The following CACNA2D1 variants were observed in gnomAD, a reference collection of about 807,000 sequenced individuals.
CACNA2D1 encodes the protein calcium voltage-gated channel auxiliary subunit alpha2delta 1.
CACNA2D1 carries 53 observed loss-of-function variants against 171.5 expected under a neutral mutation model. The observed-to-expected ratio is 0.31, with a 90% CI of 0.25 to 0.39. The LOEUF (loss-of-function observed/expected upper bound fraction) is 0.39, where lower values mean the gene tolerates loss of function less well. Ranked by LOEUF, CACNA2D1 falls within the 10% of genes least tolerant of loss-of-function variation. CACNA2D1 has a pLI of 1.00. For synonymous variants in CACNA2D1, 442 were observed against 443.1 expected, an observed-to-expected ratio of 1.00 and a Z score of 0.03; for missense variants, 903 against 1,299.8, an observed-to-expected ratio of 0.69 and a Z score of 4.69.
intron 21 of CACNA2D1, among the ~76,000 whole-genome samples, chr7:81,985,042 C>CA (rs1796809745): frequency 6.6e-6 from 1 of 151,564 alleles, no homozygotes; most frequent in South Asian, 2.1e-4. Flanking sequence ...TGAATTTTAA[C>CA]AAAAAATTGA....
intron 19 of CACNA2D1, among the ~76,000 whole-genome samples, chr7:81,996,691 C>T (rs917956497): frequency 1.3e-5 from 2 of 150,736 alleles, no homozygotes; most frequent in African/African-American, 4.9e-5. Context: ...ATATAATACT[C>T]TCATTATTAT....
chr7:82,292,241 T>C (rs928429292), intron 3 of CACNA2D1, among the ~76,000 whole-genome samples: 3 of 152,162 alleles, frequency 2.0e-5, no homozygotes, highest in Non-Finnish European at 4.4e-5. Flanking sequence ...ATCAAATATA[T>C]TCAGCAATCC....
intron 3 of CACNA2D1, among the ~76,000 whole-genome samples, chr7:82,262,110 T>A (rs1319301318): frequency 6.6e-6 from 1 of 152,296 alleles, no homozygotes; most frequent in South Asian, 2.1e-4. Context: ...GGCGGGCAGA[T>A]CACGAGGTCA....
intron 1 of CACNA2D1, among the ~76,000 whole-genome samples, chr7:82,361,250 A>G (rs2129447216): frequency 6.6e-6 from 1 of 152,328 alleles, no homozygotes; most frequent in South Asian, 2.1e-4. Context: ...AACCTGCTCA[A>G]TATAAATGAA....
chr7:82,397,872 A>G (rs931065559), intron 1 of CACNA2D1, among the ~76,000 whole-genome samples: 4 of 152,152 alleles, frequency 2.6e-5, no homozygotes, highest in Non-Finnish European at 5.9e-5. Flanking sequence ...ACTAGATAAA[A>G]CTCTGAAAGA....
chr7:82,375,268 TCAGGC>T (rs1563451669), intron 1 of CACNA2D1, among the ~76,000 whole-genome samples: 1 of 152,142 alleles, frequency 6.6e-6, no homozygotes, highest in Non-Finnish European at 1.5e-5. Flanking sequence ...CCCATCACCC[TCAGGC>T]CAGTGGAGAA....
chr7:82,146,133 A>G (rs1296643568), intron 4 of CACNA2D1, among the ~76,000 whole-genome samples: 2 of 151,862 alleles, frequency 1.3e-5, no homozygotes, highest in Non-Finnish European at 2.9e-5. Context: ...ACATCGAAAG[A>G]TAATAGATCC....
chr7:82,237,822 A>C (rs1432848810), intron 3 of CACNA2D1, among the ~76,000 whole-genome samples: 1 of 152,046 alleles, frequency 6.6e-6, no homozygotes, highest in African/African-American at 2.4e-5. Flanking sequence ...AAGGCATCAA[A>C]CCATAAAACA....
intron 3 of CACNA2D1, among the ~76,000 whole-genome samples, chr7:82,208,488 A>G (rs529556390): frequency 1.1e-4 from 16 of 152,274 alleles, no homozygotes; most frequent in African/African-American, 3.8e-4. Context: ...TAGATTAACA[A>G]CTACACAGGT....
chr7:82,057,523 A>G (rs1400122731), intron 10 of CACNA2D1, among the ~76,000 whole-genome samples: 1 of 151,566 alleles, frequency 6.6e-6, no homozygotes, highest in African/African-American at 2.4e-5. Flanking sequence ...ATCTATAGCT[A>G]CTATCTGAAT....
chr7:81,958,013 G>A (rs1793631645), intron 38 of CACNA2D1, among the ~76,000 whole-genome samples: 1 of 151,870 alleles, frequency 6.6e-6, no homozygotes, highest in African/African-American at 2.4e-5. Context: ...AACATTCTTT[G>A]GGGGAATAAT....
intron 12 of CACNA2D1, among the ~76,000 whole-genome samples, chr7:82,031,480 G>T (rs1269001477): frequency 2.0e-5 from 3 of 151,788 alleles, no homozygotes; most frequent in Non-Finnish European, 4.4e-5. Context: ...TTCAAAAGTG[G>T]TTCCTCTATG....
At chr7:82,372,609 G>A (rs1439371300) in intron 1 of CACNA2D1, among the ~76,000 whole-genome samples, 1 of 120,800 alleles carries the variant, frequency 8.3e-6, no homozygotes, top group Non-Finnish European at 2.0e-5. Context: ...ATATTGTTAT[G>A]AAGCAGATTT....
chr7:82,150,269 A>C (rs868273716), intron 4 of CACNA2D1, among the ~76,000 whole-genome samples: 1 of 104,558 alleles, frequency 9.6e-6, no homozygotes, highest in Admixed American at 9.4e-5. Context: ...AAAAAAAAAA[A>C]CAAAAACAAC....
At position 82,170,563 on chromosome 7, in the gene CACNA2D1, C is replaced by A. The variant is rs1243465087; in HGVS notation, c.341G>T (p.Arg114Ile). The A allele has an allele frequency of 1.9e-6, 3 of 1,612,398 alleles. No homozygotes were observed. In the African/African-American group the frequency reaches 4.0e-5, roughly 22 times the overall value. The change falls in exon 4 of 39, where the codon AGA becomes ATA. Residue 114 changes from arginine (R) to isoleucine (I), a missense_variant. By Grantham distance (97) the Arg-to-Ile change is moderately conservative (BLOSUM62 -3). Coordinates refer to ENST00000356860, the MANE Select transcript of CACNA2D1 (RefSeq NM_000722.4). Reference sequence around the variant, plus strand: ...AGGGGTTCTTACTGCAAAATCTTCTCTCCACTGGTGAGCTGCTTGAACTTT... The same window carrying A: ...AGGGGTTCTTACTGCAAAATCTTCTATCCACTGGTGAGCTGCTTGAACTTT... ...AEKVQAAHQWREDFASNEVVY... is the reference protein window; with the variant it reads ...AEKVQAAHQWIEDFASNEVVY...
At chr7:82,218,327 G>A (rs751740305) in intron 3 of CACNA2D1, among the ~76,000 whole-genome samples, 9 of 152,146 alleles carry the variant, frequency 5.9e-5, no homozygotes, top group Admixed American at 2.6e-4. Flanking sequence ...AGGTACATAA[G>A]GAGGCTCGCT....
At chr7:82,351,112 A>G (rs1433444464) in intron 1 of CACNA2D1, among the ~76,000 whole-genome samples, 1 of 152,200 alleles carries the variant, frequency 6.6e-6, no homozygotes, top group Non-Finnish European at 1.5e-5. Context: ...AAGAAACATT[A>G]GTAAGCCAGT....
intron 2 of CACNA2D1, among the ~76,000 whole-genome samples, chr7:82,339,888 A>G (rs1166576370): frequency 6.6e-6 from 1 of 152,200 alleles, no homozygotes; most frequent in African/African-American, 2.4e-5. Context: ...TTTACTAATC[A>G]GCTGGACTTA....
intron 3 of CACNA2D1, among the ~76,000 whole-genome samples, chr7:82,209,796 C>T (rs976738051): frequency 3.9e-5 from 6 of 152,170 alleles, no homozygotes; most frequent in Non-Finnish European, 7.4e-5. Context: ...CACATTTTTG[C>T]GCTGTGTGAA....
Sources: gnomAD v4.1 joint callset for allele counts (sites outside exome capture counted in the v4.1 genomes callset) on GRCh38, gnomAD v4.1.1 for gene constraint, MANE v1.5 for transcripts, NCBI Gene and HGNC (gene_info 2026-07-23, HGNC 2026-07-21) for gene names.